Variants in PCDH17 observed in about 807,000 individuals in gnomAD.
PCDH17 encodes protocadherin-17.
A neutral mutation model predicts 67.7 loss-of-function variants in PCDH17; 21 were observed. The observed-to-expected ratio is 0.31, with a 90% CI of 0.22 to 0.45. The LOEUF (loss-of-function observed/expected upper bound fraction) is 0.45. Ranked by LOEUF, PCDH17 falls within the 20% of genes least tolerant of loss-of-function variation. PCDH17 has a pLI of 1.00. For missense variants in PCDH17, 1,471 were observed against 1,564.8 expected (o/e 0.94, Z 1.01); for synonymous variants, 701 against 656.7 (o/e 1.07, Z -1.03).
rs1035410714 is a variant in PCDH17, at chr13:57,631,998, C to T, written c.-549C>T. The stretch of plus-strand genomic sequence containing the variant: ...CTCTTCATCCCCATCAATTTCATCA[C>T]GGGAGGCGAGCAGCAAGTAAGAATT... On this transcript the variant is annotated 5_prime_UTR_variant, in exon 1 of 4. It adds an upstream start codon to the 5' untranslated region. Transcript: ENST00000377918. 1 of 157,298 alleles carries T rather than the reference C, an allele frequency of 6.4e-6. No homozygotes were observed. Among genetic ancestry groups the T allele is most frequent in the Non-Finnish European group, 1.4e-5 (1 of 72,100 alleles). 9.7% of individuals were successfully genotyped at this position (157,298 alleles called of 1,614,324 possible).
intron 3 of PCDH17, among the ~76,000 whole-genome samples, chr13:57,679,982 A>G (rs1955433130): frequency 1.3e-5 from 2 of 151,482 alleles, no homozygotes; most frequent in Non-Finnish European, 3.0e-5. Flanking sequence ...TAATTCATAC[A>G]TGGATAAGGT....
intron 3 of PCDH17, among the ~76,000 whole-genome samples, chr13:57,695,105 T>A (rs1237663140): frequency 6.6e-6 from 1 of 151,114 alleles, no homozygotes; most frequent in African/African-American, 2.4e-5. Context: ...AGTCTCCTAC[T>A]GCCTGAAAAA....
chr13:57,716,837 C>A (rs1366864772), intron 3 of PCDH17, among the ~76,000 whole-genome samples: 2 of 151,822 alleles, frequency 1.3e-5, no homozygotes, highest in Non-Finnish European at 2.9e-5. Context: ...ACCCAAGATA[C>A]CCCTCCTTGA....
chr13:57,647,274 A>G (rs1593898471), intron 1 of PCDH17, among the ~76,000 whole-genome samples: 1 of 151,848 alleles, frequency 6.6e-6, no homozygotes, highest in East Asian at 1.9e-4. Context: ...TAGAAGTATT[A>G]TCCAAAATAC....
intron 1 of PCDH17, among the ~76,000 whole-genome samples, chr13:57,657,523 C>T (rs1224664940): frequency 6.6e-6 from 1 of 152,100 alleles, no homozygotes; most frequent in East Asian, 1.9e-4. Context: ...TAGAAAGAAC[C>T]ACACCATATA....
intron 1 of PCDH17, among the ~76,000 whole-genome samples, chr13:57,663,789 T>G (rs1955214678): frequency 6.6e-6 from 1 of 152,206 alleles, no homozygotes; most frequent in South Asian, 2.1e-4. Flanking sequence ...ACCAACTTCT[T>G]TTTTCTACAT....
intron 3 of PCDH17, among the ~76,000 whole-genome samples, chr13:57,692,070 C>T (rs543701613): frequency 2.6e-5 from 4 of 151,156 alleles, no homozygotes; most frequent in South Asian, 2.1e-4. Context: ...AATTTCAACT[C>T]GATAATGTTT....
chr13:57,707,936 TC>T (rs1955736356), intron 3 of PCDH17, among the ~76,000 whole-genome samples: 1 of 152,142 alleles, frequency 6.6e-6, no homozygotes, highest in East Asian at 1.9e-4. Context: ...AGTAATTACA[TC>T]TGCAGAGACC....
At chr13:57,664,281 A>G (rs763736019) in intron 1 of PCDH17, among the ~76,000 whole-genome samples, 15 of 152,040 alleles carry the variant, frequency 9.9e-5, no homozygotes, top group Non-Finnish European at 2.2e-4. Context: ...TTCTATCTTC[A>G]TCAGACCAAT....
At chr13:57,675,358 T>G (rs1481633088) in intron 3 of PCDH17, among the ~76,000 whole-genome samples, 1 of 151,954 alleles carries the variant, frequency 6.6e-6, no homozygotes, top group East Asian at 1.9e-4. Context: ...ACTCATTCAT[T>G]TATTCATTCA....
At chr13:57,641,876 T>C (rs1954909892) in intron 1 of PCDH17, among the ~76,000 whole-genome samples, 1 of 151,370 alleles carries the variant, frequency 6.6e-6, no homozygotes, top group Non-Finnish European at 1.5e-5. Flanking sequence ...GTTAACAAGC[T>C]TTGTGATCAA....
rs540210940 is a variant in PCDH17, at chr13:57,634,978, C to G, written c.2432C>G (p.Ser811Trp). The G allele has an allele frequency of 6.2e-7, 1 of 1,613,856 alleles. No homozygotes were observed. Residue 811 changes from serine (S) to tryptophan (W), a missense_variant, in exon 1 of 4, where the codon TCG (serine) becomes TGG (tryptophan). Coordinates refer to ENST00000377918, the MANE Select transcript of PCDH17 (RefSeq NM_001040429.3). The surrounding 1 kb of genome is among the most constrained non-coding windows in gnomAD (Gnocchi z 7.8). ...QTRLPLSSPR[S>W]EVMYLKPASN... is the part of the protein sequence containing the mutation. ...CGCCTGCCCCTCAGCTCGCCCCGGT[C>G]GGAGGTGATGTATCTCAAACCGGCC...
Position 57,727,670 on chromosome 13 carries a change from G to A in PCDH17, c.*2376G>A, listed in dbSNP as rs760477042. The A allele has an allele frequency of 2.0e-5, 3 of 152,064 alleles. No individual in the cohort carries two copies. Among genetic ancestry groups the A allele is most frequent in the Non-Finnish European group, 4.4e-5 (3 of 67,992 alleles). The allele number at this position is 152,064 out of a possible 1,614,324, so 9.4% of individuals were successfully genotyped here. ...GACCTTGTACATGTGAAACCTAATT[G>A]ACTCTCTATATTTTGGACAATTTAT... is the stretch of plus-strand genomic sequence containing the variant. On this transcript the variant is annotated 3_prime_UTR_variant, in exon 4 of 4. Transcript: ENST00000377918.
At position 57,725,196 on chromosome 13, in the gene PCDH17, C is replaced by A; in HGVS notation, c.3382C>A (p.Leu1128Met). ...LEQLDHPNRD[L>M]GRESVDAEEV... ...GCAGCTTGACCACCCCAACAGGGAT[C>A]TGGGCAGAGAGTCTGTGGATGCAGA... is the stretch of plus-strand genomic sequence containing the variant. The change falls in exon 4 of 4, where the codon CTG (leucine) becomes ATG (methionine). Residue 1128 changes from leucine to methionine, a missense_variant. Physicochemically the swap from Leu to Met is conservative, Grantham distance 15 (BLOSUM62 2). This residue lies in a region of PCDH17 where 297 missense variants were observed against 298.6 expected (regional missense o/e 0.99). Transcript: ENST00000377918. 1 of 1,613,902 alleles carries A rather than the reference C, an allele frequency of 6.2e-7. No individual in the cohort carries two copies. The highest frequency in any genetic ancestry group is 1.1e-5 in the South Asian group (1 of 91,078).
At chr13:57,654,765 T>C (rs1469905111) in intron 1 of PCDH17, among the ~76,000 whole-genome samples, 2 of 152,082 alleles carry the variant, frequency 1.3e-5, no homozygotes, top group African/African-American at 4.8e-5. Flanking sequence ...TAAAATAGAC[T>C]ATTTCCATTG....
intron 1 of PCDH17, among the ~76,000 whole-genome samples, chr13:57,646,042 A>T (rs1954961759): frequency 6.6e-6 from 1 of 151,546 alleles, no homozygotes; most frequent in African/African-American, 2.4e-5. Context: ...TTATTTTGGG[A>T]TTACATTTAT....
chr13:57,710,117 A>G (rs890993642), intron 3 of PCDH17, among the ~76,000 whole-genome samples: 1 of 151,924 alleles, frequency 6.6e-6, no homozygotes, highest in African/African-American at 2.4e-5. Context: ...GATGGAATGG[A>G]AAGTGGGCTG....
In PCDH17 at chr13:57,633,117, A is replaced by C; in HGVS notation, c.571A>C (p.Lys191Gln). The C allele has an allele frequency of 6.2e-7, 1 of 1,613,380 alleles. No homozygotes were observed. The highest frequency in any genetic ancestry group is 8.5e-7 in the Non-Finnish European group (1 of 1,179,954). Residue 191 changes from lysine (K) to glutamine (Q), a missense_variant, in exon 1 of 4, where the codon AAG becomes CAG. Lys to Gln is a moderately conservative substitution (Grantham distance 53). Coordinates refer to ENST00000377918, the MANE Select transcript of PCDH17 (RefSeq NM_001040429.3). This position sits in a 1 kb window ranked among gnomAD's most constrained non-coding sequence, Gnocchi z 6.2. Reference protein sequence around the residue: ...LDVKSRGDGTKFPELVIQKAL... With the variant: ...LDVKSRGDGTQFPELVIQKAL... ...CGTTAAGTCCCGCGGCGACGGCACC[A>C]AGTTCCCAGAACTGGTCATCCAGAA...
At chr13:57,676,436 C>A (rs1238805294) in intron 3 of PCDH17, among the ~76,000 whole-genome samples, 2 of 151,690 alleles carry the variant, frequency 1.3e-5, no homozygotes, top group African/African-American at 4.8e-5. Flanking sequence ...TAGATTTAGA[C>A]ATGTTAGAAA....
Sources: gnomAD v4.1 joint callset for allele counts (sites outside exome capture counted in the v4.1 genomes callset) on GRCh38, gnomAD v4.1.1 for gene constraint, gnomAD v4.1.1 regional missense constraint, Gnocchi (gnomAD v3.1) non-coding constraint, MANE v1.5 for transcripts, NCBI Gene and HGNC (gene_info 2026-07-23, HGNC 2026-07-21) for gene names.